Variants in TSHR observed in about 807,000 individuals in gnomAD.
TSHR encodes the protein thyroid stimulating hormone receptor, also known as thyrotropin receptor.
Under a neutral mutation model 64.1 loss-of-function variants are expected in TSHR, and 51 were observed. The ratio of observed to expected loss-of-function variants is 0.80; its 90% CI spans 0.64 to 1.01. The LOEUF is 1.01. Ranked by LOEUF, TSHR falls within the 50% of genes least tolerant of loss-of-function variation. The probability of loss-of-function intolerance (pLI) is 0.00; values close to 1 mark genes in which losing one functional copy is unlikely to be tolerated. For missense variants in TSHR, 877 were observed against 942.8 expected, an observed-to-expected ratio of 0.93 and a Z score of 0.91; for synonymous variants, 361 against 361.9, an observed-to-expected ratio of 1.00 and a Z score of 0.03.
chr14:80,978,203 G>A (rs1164394216), intron 1 of TSHR, among the ~76,000 whole-genome samples: 1 of 151,812 alleles, frequency 6.6e-6, no homozygotes, highest in East Asian at 1.9e-4. Flanking sequence ...TTTCTTCCAA[G>A]CCATCATTGA....
Position 81,094,679 on chromosome 14 carries a change from A to ATTTTTTTTTTTTTTTTTTTT in TSHR, c.546-1955_546-1936dup. 6.7e-4 allele frequency among the ~76,000 whole-genome samples: 51 copies of ATTTTTTTTTTTTTTTTTTTT among 76,260 alleles called. 5 individuals are homozygous for ATTTTTTTTTTTTTTTTTTTT. Among genetic ancestry groups the ATTTTTTTTTTTTTTTTTTTT allele is most frequent in the Middle Eastern group, 0.014 (1 of 70 alleles). 50.0% of individuals were successfully genotyped at this position (76,260 alleles called of 152,430 possible). On this transcript the variant is annotated intron_variant, in intron 6 of 9. Transcript: ENST00000298171. ...CTCCTTTTATTTATTTATTTTTTTA[A>ATTTTTTTTTTTTTTTTTTTT]TTTTTTTTTTTTTTTTTTTTTTTTG...
At chr14:81,000,636 G>A (rs67130762) in intron 1 of TSHR, among the ~76,000 whole-genome samples, 20,573 of 151,992 alleles carry the variant, frequency 0.14, 1,728 homozygotes, top group East Asian at 0.38. Context: ...CTCCACGTCA[G>A]CCTGATTCAT....
intron 1 of TSHR, among the ~76,000 whole-genome samples, chr14:80,976,605 C>T (rs1350744216): frequency 6.6e-6 from 1 of 152,184 alleles, no homozygotes; most frequent in Non-Finnish European, 1.5e-5. Context: ...CCAACTGGAT[C>T]ATCTGAGTTC....
intron 7 of TSHR, among the ~76,000 whole-genome samples, chr14:81,098,351 A>T (rs1343424182): frequency 6.6e-6 from 1 of 152,192 alleles, no homozygotes; most frequent in African/African-American, 2.4e-5. Context: ...TGTTTTTTAA[A>T]TCATTATTAA....
chr14:80,966,777 A>G (rs1887319720), intron 1 of TSHR, among the ~76,000 whole-genome samples: 1 of 152,096 alleles, frequency 6.6e-6, no homozygotes, highest in African/African-American at 2.4e-5. Context: ...CACAATAACC[A>G]TTTACTTCTC....
intron 1 of TSHR, chr14:80,982,139 G>T: frequency 1.7e-6 from 1 of 577,880 alleles, no homozygotes; most frequent in South Asian, 2.0e-5. Flanking sequence ...CAGGGTCTCT[G>T]ACAGATGCAG....
rs1889805713 is a variant in TSHR at position 81,105,010 on chromosome 14, C to T, written c.615-3365C>T. The T allele has an allele frequency of 8.1e-6, 8 of 985,262 alleles. 1 individual carries two copies. The highest frequency in any genetic ancestry group is 1.0e-3 in the Middle Eastern group (2 of 1,936). 61.0% of individuals were successfully genotyped at this position (985,262 alleles called of 1,614,324 possible). On this transcript the variant is annotated intron_variant, in intron 7 of 9. Coordinates refer to ENST00000298171, the MANE Select transcript of TSHR (RefSeq NM_000369.5). ...CTGACTTTCAAAAAGTATTTCCTTTCGTCTCTTACTACAAGCCTTTTGAGT... is the reference window on the plus strand; with the variant it reads ...CTGACTTTCAAAAAGTATTTCCTTTTGTCTCTTACTACAAGCCTTTTGAGT...
intron 8 of TSHR, among the ~76,000 whole-genome samples, chr14:81,113,117 G>A (rs1463895654): frequency 6.6e-6 from 1 of 152,190 alleles, no homozygotes; most frequent in African/African-American, 2.4e-5. Context: ...ACCAAGTATG[G>A]AAGCAAGAAG....
chr14:80,969,520 T>C (rs1887490156), intron 1 of TSHR, among the ~76,000 whole-genome samples: 1 of 152,166 alleles, frequency 6.6e-6, no homozygotes, highest in Non-Finnish European at 1.5e-5. Context: ...CTGTTCTCTT[T>C]AAAGAAATGT....
chr14:80,994,364 T>TG (rs1566753507), intron 1 of TSHR: 1 of 150,964 alleles, frequency 6.6e-6, no homozygotes, highest in Non-Finnish European at 1.5e-5. Flanking sequence ...ACAGAACTAG[T>TG]GAAAAAAAAA....
chr14:81,072,753 T>TAAAAGAAAAC (rs1555376875), intron 3 of TSHR, among the ~76,000 whole-genome samples: 11 of 149,636 alleles, frequency 7.4e-5, no homozygotes, highest in African/African-American at 2.3e-4. Flanking sequence ...AGTGAAAAGC[T>TAAAAGAAAAC]TTGGGAGGCC....
chr14:80,994,589 A>C (rs1359989879), intron 1 of TSHR: 1 of 152,200 alleles, frequency 6.6e-6, no homozygotes, highest in African/African-American at 2.4e-5. Context: ...ACATACAACT[A>C]TTTGATCTTT....
At chr14:81,033,274 T>C (rs1335204347) in intron 1 of TSHR, 2 of 472,574 alleles carry the variant, frequency 4.2e-6, no homozygotes, top group East Asian at 1.3e-4. Flanking sequence ...TGTCCAAGAA[T>C]ACATCGAAAA....
chr14:81,114,721 G>T (rs997044076), intron 8 of TSHR, among the ~76,000 whole-genome samples: 1 of 152,194 alleles, frequency 6.6e-6, no homozygotes, highest in South Asian at 2.1e-4. Context: ...TCCACCTCTG[G>T]GGGCAGGGCA....
At chr14:81,088,564 AT>A (rs1443611296) in intron 4 of TSHR, among the ~76,000 whole-genome samples, 1 of 151,914 alleles carries the variant, frequency 6.6e-6, no homozygotes, top group Non-Finnish European at 1.5e-5. Flanking sequence ...GGACCACAAC[AT>A]TTTTTTTCTC....
rs192479627 is a variant in TSHR, at chr14:81,021,151, A to G, written c.171-40997A>G. On this transcript the variant is annotated intron_variant, in intron 1 of 9. Coordinates refer to ENST00000298171, the MANE Select transcript of TSHR (RefSeq NM_000369.5). ...TGTAATATGCTTGATTCATCCCAGAACCATGCCCCCGACCCTGCCAGTCTA... is the reference window on the plus strand; with the variant it reads ...TGTAATATGCTTGATTCATCCCAGAGCCATGCCCCCGACCCTGCCAGTCTA... 9.2e-5 allele frequency among the ~76,000 whole-genome samples: 14 copies of G among 152,120 alleles called. No individual in the cohort carries two copies. In the East Asian group the frequency reaches 2.5e-3, roughly 27 times the overall value.
intron 3 of TSHR, among the ~76,000 whole-genome samples, chr14:81,079,703 A>T (rs1297271737): frequency 1.3e-5 from 2 of 152,206 alleles, no homozygotes; most frequent in African/African-American, 4.8e-5. Context: ...AATATTTTTT[A>T]AAATTAGCTG....
At chr14:81,072,191 G>A (rs1887120505) in intron 3 of TSHR, among the ~76,000 whole-genome samples, 2 of 152,198 alleles carry the variant, frequency 1.3e-5, no homozygotes, top group African/African-American at 4.8e-5. Context: ...TATGGTAACT[G>A]AAACTTGAGG....
chr14:81,099,255 A>T (rs1889415538), intron 7 of TSHR: 1 of 148,588 alleles, frequency 6.7e-6, no homozygotes, highest in Non-Finnish European at 1.5e-5. Flanking sequence ...ATGAAGCCCA[A>T]CAAGAACACA....
Sources: gnomAD v4.1 joint callset for allele counts (sites outside exome capture counted in the v4.1 genomes callset) on GRCh38, gnomAD v4.1.1 for gene constraint, MANE v1.5 for transcripts, NCBI Gene and HGNC (gene_info 2026-07-23, HGNC 2026-07-21) for gene names.